ZNF521: variants seen among roughly 807,000 people sequenced by gnomAD.
ZNF521 encodes the protein LYST-interacting protein 3.
Under a neutral mutation model 105.5 loss-of-function variants are expected in ZNF521, and 14 were observed. The ratio of observed to expected loss-of-function variants is 0.13; its 90% CI spans 0.09 to 0.21. The LOEUF is 0.21. ZNF521 is among the 10% of genes least tolerant of loss of function. The pLI, the probability that ZNF521 is intolerant of heterozygous loss-of-function variation, is 1.00. For missense variants in ZNF521, 1,233 were observed against 1,629.7 expected (o/e 0.76, Z 4.19); for synonymous variants, 635 against 606.0 (o/e 1.05, Z -0.70).
Position 25,226,460 on chromosome 18 carries a change from G to A in ZNF521, c.1458C>T (p.Val486=). Residue 486 remains valine (V), a synonymous_variant, in exon 4 of 8, where the codon GTC becomes GTT. Transcript: ENST00000361524. The surrounding 1 kb of genome is among the most constrained non-coding windows in gnomAD (Gnocchi z 4.1). ...GTTCCTGAAGAGTGTTGAGGTCGTTGACAACTTCGGAACAGAAGTTACACT... is the reference window on the plus strand; with the variant it reads ...GTTCCTGAAGAGTGTTGAGGTCGTTAACAACTTCGGAACAGAAGTTACACT... ...VYQCNFCSEV[V]NDLNTLQEHI... is the part of the protein sequence containing the mutation. 9.3e-6 allele frequency: 15 copies of A among 1,614,152 alleles called. No individual in the cohort carries two copies. The highest frequency in any genetic ancestry group is 1.2e-5 in the Non-Finnish European group (14 of 1,180,012).
intron 2 of ZNF521, among the ~76,000 whole-genome samples, chr18:25,349,842 C>T (rs186373182): frequency 0.059 from 8,843 of 150,178 alleles, 391 homozygotes; most frequent in Non-Finnish European, 0.088. Context: ...TCGCGGGGGC[C>T]GCGGCCGCCT....
In ZNF521 at chr18:25,159,586, G is replaced by C. The variant is rs758507695; in HGVS notation, c.3658+35574C>G. Among the ~76,000 whole-genome samples, 62 of 152,202 alleles carry C rather than the reference G, an allele frequency of 4.1e-4. 2 individuals carry two copies. Among genetic ancestry groups the C allele is most frequent in the Non-Finnish European group, 1.8e-4 (12 of 68,036 alleles). ...ACGATCACATCTGTGGATGATGAGG[G>C]AAAGTCCTCCAGCTAGGTACTGATT... On this transcript the variant is annotated intron_variant, in intron 5 of 7. Transcript: ENST00000361524.
Position 25,329,642 on chromosome 18 carries a change from G to A in ZNF521, c.41-7455C>T, listed in dbSNP as rs116513735. 3.5e-3 allele frequency among the ~76,000 whole-genome samples: 527 copies of A among 152,304 alleles called. 3 individuals carry two copies. Among genetic ancestry groups the A allele is most frequent in the African/African-American group, 0.012 (481 of 41,566 alleles). ...TAGACCAGACAGACAGTAAGGCAGCGGCAGAGAGCAGGCTGGAAAAGCGGC... is the reference window on the plus strand; with the variant it reads ...TAGACCAGACAGACAGTAAGGCAGCAGCAGAGAGCAGGCTGGAAAAGCGGC... On this transcript the variant is annotated intron_variant, in intron 2 of 7. Coordinates refer to ENST00000361524, the MANE Select transcript of ZNF521 (RefSeq NM_015461.3).
At chr18:25,345,972 G>A (rs73944218) in intron 2 of ZNF521, among the ~76,000 whole-genome samples, 3,227 of 151,544 alleles carry the variant, frequency 0.021, 111 homozygotes, top group African/African-American at 0.072. Context: ...GTACAATCAT[G>A]AAAAAAAATC....
intron 2 of ZNF521, 106 bp from the exon 3 acceptor site, chr18:25,322,293 T>C: frequency 8.7e-6 from 10 of 1,148,214 alleles, no homozygotes; most frequent in Non-Finnish European, 1.3e-5. Flanking sequence ...TCCTTGAAGT[T>C]GCAATAGGAG....
chr18:25,191,640 GA>G (rs1568002355), intron 5 of ZNF521, among the ~76,000 whole-genome samples: 1 of 152,234 alleles, frequency 6.6e-6, no homozygotes, highest in East Asian at 1.9e-4. Context: ...TTATCAGAGT[GA>G]AAAAATTAAG....
At chr18:25,300,347 C>G (rs1331418176) in intron 3 of ZNF521, among the ~76,000 whole-genome samples, 3 of 152,142 alleles carry the variant, frequency 2.0e-5, no homozygotes, top group Admixed American at 6.5e-5. Flanking sequence ...CTTTCATAAC[C>G]TAGCAATAAA....
chr18:25,102,700 C>T (rs538581653), intron 5 of ZNF521, among the ~76,000 whole-genome samples: 2 of 152,072 alleles, frequency 1.3e-5, no homozygotes, highest in African/African-American at 2.4e-5. Flanking sequence ...AGATATTAAC[C>T]AACACACCCA....
At chr18:25,145,543 T>A (rs1394797786) in intron 5 of ZNF521, among the ~76,000 whole-genome samples, 1 of 152,096 alleles carries the variant, frequency 6.6e-6, no homozygotes, top group Non-Finnish European at 1.5e-5. Flanking sequence ...CATATTTGAG[T>A]GGTAGGAGTG....
chr18:25,091,126 G>A (rs2033735914), intron 6 of ZNF521, among the ~76,000 whole-genome samples: 1 of 152,166 alleles, frequency 6.6e-6, no homozygotes, highest in African/African-American at 2.4e-5. Flanking sequence ...TGCAAACAAA[G>A]AAGTCATCCT....
In ZNF521 at chr18:25,225,502, T is replaced by C. The variant is rs1348806657; in HGVS notation, c.2416A>G (p.Ser806Gly). The change falls in exon 4 of 8, where the codon AGT (serine) becomes GGT (glycine). Residue 806 changes from serine to glycine, a missense_variant. Ser to Gly is a moderately conservative substitution (Grantham distance 56). Around this residue, in one of 6 missense-constraint regions of ZNF521, gnomAD observed 614 missense variants for 751.5 expected, o/e 0.82. Transcript: ENST00000361524. The surrounding 1 kb of genome is among the most constrained non-coding windows in gnomAD (Gnocchi z 5.6). ...CAGAACTTGCAGTTGTACTTCTTACTGTGAGTGGTGATGTGGCATTGCAGC... is the reference window on the plus strand; with the variant it reads ...CAGAACTTGCAGTTGTACTTCTTACCGTGAGTGGTGATGTGGCATTGCAGC... ...VELQCHITTH[S>G]KKYNCKFCSK... 3 of 1,614,136 alleles carry C rather than the reference T, an allele frequency of 1.9e-6. No individual in the cohort carries two copies. In the African/African-American group the frequency reaches 4.0e-5, roughly 22 times the overall value.
intron 5 of ZNF521, among the ~76,000 whole-genome samples, chr18:25,138,535 A>C: frequency 6.6e-6 from 1 of 151,950 alleles, no homozygotes; most frequent in African/African-American, 2.4e-5. Context: ...TGGGGAGGAC[A>C]GAGCTCAGGA....
chr18:25,281,728 G>A (rs141376597), intron 3 of ZNF521, among the ~76,000 whole-genome samples: 2 of 152,220 alleles, frequency 1.3e-5, no homozygotes, highest in Admixed American at 6.5e-5. Flanking sequence ...TAGAAATTGC[G>A]CTCAGGCAAT....
chr18:25,328,556 T>A (rs1290544187), intron 2 of ZNF521, among the ~76,000 whole-genome samples: 1 of 116,096 alleles, frequency 8.6e-6, no homozygotes, highest in African/African-American at 2.9e-5. Context: ...TTTTTATTAA[T>A]TTTTTTTTTT....
chr18:25,261,044 C>G (rs1271434390), intron 3 of ZNF521, among the ~76,000 whole-genome samples: 1 of 152,148 alleles, frequency 6.6e-6, no homozygotes, highest in Non-Finnish European at 1.5e-5. Context: ...TTCCAGGCTT[C>G]CAGAGTGTCA....
intron 7 of ZNF521, among the ~76,000 whole-genome samples, chr18:25,075,953 T>C (rs1327351349): frequency 1.3e-5 from 2 of 152,234 alleles, no homozygotes; most frequent in Admixed American, 6.5e-5. Flanking sequence ...TGTCAGCATA[T>C]TTCTCAAAAT....
At chr18:25,084,403 C>A (rs1260531682) in intron 7 of ZNF521, among the ~76,000 whole-genome samples, 1 of 150,924 alleles carries the variant, frequency 6.6e-6, no homozygotes, top group Non-Finnish European at 1.5e-5. Flanking sequence ...ACCAGTTAAA[C>A]TGTGGTGTGA....
chr18:25,129,232 T>C (rs2034592611), intron 5 of ZNF521, among the ~76,000 whole-genome samples: 2 of 142,484 alleles, frequency 1.4e-5, no homozygotes, highest in Admixed American at 1.5e-4. Flanking sequence ...ATGCTAGAAC[T>C]AGACTTTCAC....
At chr18:25,248,456 G>A (rs1907880894) in intron 3 of ZNF521, among the ~76,000 whole-genome samples, 1 of 152,208 alleles carries the variant, frequency 6.6e-6, no homozygotes, top group Admixed American at 6.5e-5. Context: ...CATTTATGCA[G>A]TGGCAGTCTT....
Sources: gnomAD v4.1 joint callset for allele counts (sites outside exome capture counted in the v4.1 genomes callset) on GRCh38, gnomAD v4.1.1 for gene constraint, gnomAD v4.1.1 regional missense constraint, Gnocchi (gnomAD v3.1) non-coding constraint, MANE v1.5 for transcripts, NCBI Gene and HGNC (gene_info 2026-07-23, HGNC 2026-07-21) for gene names.